TSHZ2: variants seen among roughly 807,000 people sequenced by gnomAD.
TSHZ2 encodes the protein teashirt zinc finger homeobox 2.
Under a neutral mutation model 74.4 loss-of-function variants are expected in TSHZ2, and 21 were observed. The observed-to-expected ratio is 0.28, with a 90% CI of 0.20 to 0.41. The LOEUF (loss-of-function observed/expected upper bound fraction) is 0.41, where lower values mean the gene tolerates loss of function less well. Ranked by LOEUF, TSHZ2 falls within the 10% of genes least tolerant of loss-of-function variation. The probability of loss-of-function intolerance (pLI) is 1.00; values close to 1 mark genes in which losing one functional copy is unlikely to be tolerated. For synonymous variants in TSHZ2, 540 were observed against 515.3 expected, an observed-to-expected ratio of 1.05 and a Z score of -0.65; for missense variants, 1,244 against 1,293.5, an observed-to-expected ratio of 0.96 and a Z score of 0.59.
intron 1 of TSHZ2, among the ~76,000 whole-genome samples, chr20:53,248,147 T>C (rs1254180952): frequency 6.6e-6 from 1 of 152,202 alleles, no homozygotes; most frequent in Non-Finnish European, 1.5e-5. Context: ...CACAGCTCAC[T>C]GCAGCCTCAA....
chr20:53,484,448 C>T (rs1986240634), intron 2 of TSHZ2, among the ~76,000 whole-genome samples: 1 of 146,208 alleles, frequency 6.8e-6, no homozygotes, highest in South Asian at 2.1e-4. Flanking sequence ...TGCAGTGGTG[C>T]GATCTTGGCT....
chr20:53,462,495 A>G (rs760253956), intron 2 of TSHZ2, among the ~76,000 whole-genome samples: 2 of 151,994 alleles, frequency 1.3e-5, no homozygotes, highest in Non-Finnish European at 2.9e-5. Flanking sequence ...TTATTCCTTT[A>G]CCTTCCCTAC....
intron 2 of TSHZ2, among the ~76,000 whole-genome samples, chr20:53,379,856 CT>C (rs1981794432): frequency 6.6e-6 from 1 of 152,148 alleles, no homozygotes; most frequent in African/African-American, 2.4e-5. Context: ...CTTCCAAAGA[CT>C]TTATGATCTT....
At chr20:53,015,791 A>G (rs1983016771) in intron 1 of TSHZ2, among the ~76,000 whole-genome samples, 1 of 152,138 alleles carries the variant, frequency 6.6e-6, no homozygotes, top group Non-Finnish European at 1.5e-5. Context: ...CTGCTGGGAC[A>G]GGATGGGAGG....
intron 2 of TSHZ2, among the ~76,000 whole-genome samples, chr20:53,300,226 A>AG (rs1991455054): frequency 6.6e-6 from 1 of 152,196 alleles, no homozygotes; most frequent in Non-Finnish European, 1.5e-5. Flanking sequence ...TTTAGGAGAG[A>AG]GGGAAAAAAA....
intron 2 of TSHZ2, among the ~76,000 whole-genome samples, chr20:53,320,762 C>A (rs1427962636): frequency 6.6e-6 from 1 of 152,192 alleles, no homozygotes; most frequent in East Asian, 1.9e-4. Flanking sequence ...TGTCTTCCTC[C>A]AGCATTCCCT....
chr20:53,473,682 A>G (rs1258806677), intron 2 of TSHZ2, among the ~76,000 whole-genome samples: 20 of 151,726 alleles, frequency 1.3e-4, no homozygotes, highest in African/African-American at 2.2e-4. Flanking sequence ...GCTGAGAGAA[A>G]AAGGCTTCAG....
chr20:53,292,283 T>C (rs1568855115), intron 2 of TSHZ2, among the ~76,000 whole-genome samples: 1 of 152,144 alleles, frequency 6.6e-6, no homozygotes, highest in Non-Finnish European at 1.5e-5. Context: ...CATCTGTGCC[T>C]TAAACTTCCA....
intron 2 of TSHZ2, among the ~76,000 whole-genome samples, chr20:53,281,444 A>G (rs1991059710): frequency 4.6e-5 from 7 of 152,244 alleles, no homozygotes; most frequent in South Asian, 4.1e-4. Context: ...TAGGCCATAC[A>G]GTGTCTACTA....
At chr20:53,097,006 G>A (rs55976506) in intron 1 of TSHZ2, among the ~76,000 whole-genome samples, 12,085 of 152,114 alleles carry the variant, frequency 0.079, 524 homozygotes, top group Non-Finnish European at 0.1. Context: ...ATCATTTGGG[G>A]GCAGACAATT....
chr20:53,057,744 C>T (rs536837538), intron 1 of TSHZ2, among the ~76,000 whole-genome samples: 5 of 152,250 alleles, frequency 3.3e-5, no homozygotes, highest in South Asian at 2.1e-4. Context: ...GTGATGAACA[C>T]GCATGGTTCT....
intron 2 of TSHZ2, among the ~76,000 whole-genome samples, chr20:53,477,897 A>G (rs1986032118): frequency 6.6e-6 from 1 of 151,434 alleles, no homozygotes; most frequent in Non-Finnish European, 1.5e-5. Flanking sequence ...TGCAGCCAAC[A>G]GACACCTGAA....
chr20:52,996,709 T>C (rs1182603658), intron 1 of TSHZ2, among the ~76,000 whole-genome samples: 9 of 152,204 alleles, frequency 5.9e-5, no homozygotes, highest in Non-Finnish European at 1.3e-4. Flanking sequence ...TTCTCTTGCA[T>C]AGTGGTGTTT....
intron 2 of TSHZ2, among the ~76,000 whole-genome samples, chr20:53,281,677 A>G (rs1600787246): frequency 1.3e-5 from 2 of 152,286 alleles, no homozygotes; most frequent in East Asian, 3.9e-4. Context: ...TATTAAACCT[A>G]TTGAATCCCT....
intron 1 of TSHZ2, among the ~76,000 whole-genome samples, chr20:53,147,248 G>A (rs539544581): frequency 1.5e-4 from 23 of 152,218 alleles, no homozygotes; most frequent in Admixed American, 1.3e-3. Flanking sequence ...AGTGACAATT[G>A]ATGGGTGACA....
chr20:53,112,924 G>A (rs1269428645), intron 1 of TSHZ2, among the ~76,000 whole-genome samples: 1 of 152,178 alleles, frequency 6.6e-6, no homozygotes, highest in Admixed American at 6.5e-5. Context: ...CAAAGATATT[G>A]GATTCTTTGT....
At chr20:53,413,362 C>A (rs1049944461) in intron 2 of TSHZ2, among the ~76,000 whole-genome samples, 1 of 152,240 alleles carries the variant, frequency 6.6e-6, no homozygotes, top group Non-Finnish European at 1.5e-5. Context: ...GATGCAGGTG[C>A]TGGACTTAGA....
intron 1 of TSHZ2, among the ~76,000 whole-genome samples, chr20:53,191,007 T>C (rs948440064): frequency 1.3e-5 from 2 of 152,124 alleles, no homozygotes; most frequent in Non-Finnish European, 2.9e-5. Flanking sequence ...AAAAAGAAGG[T>C]TGACCTTCCT....
At chr20:53,199,802 G>T (rs146221655) in intron 1 of TSHZ2, among the ~76,000 whole-genome samples, 47 of 152,170 alleles carry the variant, frequency 3.1e-4, no homozygotes, top group African/African-American at 1.0e-3. Context: ...GGCAGGAAGC[G>T]TGTGAGCCAG....
Sources: gnomAD v4.1 joint callset for allele counts (sites outside exome capture counted in the v4.1 genomes callset) on GRCh38, gnomAD v4.1.1 for gene constraint, MANE v1.5 for transcripts, NCBI Gene and HGNC (gene_info 2026-07-23, HGNC 2026-07-21) for gene names.